Variants in NEXMIF observed in about 807,000 individuals in gnomAD.
The protein encoded by NEXMIF is neurite extension and migration factor.
A neutral mutation model predicts 62.1 loss-of-function variants in NEXMIF; 8 were observed. The observed-to-expected ratio is 0.13, with a 90% CI of 0.08 to 0.23. NEXMIF has a LOEUF of 0.23. Ranked by LOEUF, NEXMIF falls within the 10% of genes least tolerant of loss-of-function variation. The pLI is 1.00. For missense variants in NEXMIF, 976 were observed against 1,113.3 expected (o/e 0.88, Z 1.75); for synonymous variants, 404 against 416.6 (o/e 0.97, Z 0.37).
intron 1 of NEXMIF, among the ~76,000 whole-genome samples, chrX:74,751,742 TCTTC>T (rs1220050621): frequency 1.5e-4 from 13 of 86,899 alleles, no homozygotes; most frequent in East Asian, 1.2e-3. Context: ...CTCCCTCTTT[TCTTC>T]CTTCCTTCCT....
rs1054310941 is a variant in NEXMIF, at chrX:74,845,558, T to C, written c.-48+79325A>G. Among the ~76,000 whole-genome samples, 14 of 110,891 alleles carry C rather than the reference T, an allele frequency of 1.3e-4. 1 individual carries two copies. Among genetic ancestry groups the C allele is most frequent in the African/African-American group, 4.3e-4 (13 of 30,536 alleles). ...GAAAGAAAGAAAGGGAGAGTGTAGA[T>C]GCTAAGTACATGGGTTTATATGGCT... On this transcript the variant is annotated intron_variant, in intron 1 of 3. Coordinates refer to ENST00000055682, the MANE Select transcript of NEXMIF (RefSeq NM_001008537.3).
intron 1 of NEXMIF, among the ~76,000 whole-genome samples, chrX:74,775,631 GA>G (rs763362773): frequency 1.8e-5 from 2 of 111,634 alleles, no homozygotes; most frequent in East Asian, 5.7e-4. Context: ...ATGAAGGGCT[GA>G]ATATTTTTTA....
At chrX:74,821,734 T>C (rs1290650860) in intron 1 of NEXMIF, among the ~76,000 whole-genome samples, 2 of 111,344 alleles carry the variant, frequency 1.8e-5, no homozygotes, top group Admixed American at 9.6e-5. Context: ...AAATTGTGTG[T>C]GTGTGTGTGT....
chrX:74,789,043 T>A (rs950447393), intron 1 of NEXMIF, among the ~76,000 whole-genome samples: 7 of 109,212 alleles, frequency 6.4e-5, no homozygotes, highest in Non-Finnish European at 1.3e-4. Flanking sequence ...TAGTTACATA[T>A]GTATACATAT....
rs2080115133 is a variant in NEXMIF at position 74,743,524 on chromosome X, A to G, written c.1033T>C (p.Cys345Arg). ...CCACTCTTAGACTCTCGCTTGGGGC[A>G]GGTAGTAAAGACGCTGGGAAAAAAG... is the stretch of plus-strand genomic sequence containing the variant. Reference protein sequence around the residue: ...FNFFPSVFTTCPKRESKSGAL... With the variant: ...FNFFPSVFTTRPKRESKSGAL... Residue 345 changes from cysteine to arginine, a missense_variant, in exon 3 of 4, where the codon TGC becomes CGC. Transcript: ENST00000055682. 1.7e-6 allele frequency: 2 copies of G among 1,209,441 alleles called. No individual in the cohort carries two copies. The highest frequency in any genetic ancestry group is 3.0e-5 in the East Asian group (1 of 33,748).
intron 1 of NEXMIF, among the ~76,000 whole-genome samples, chrX:74,780,403 G>T (rs1466838053): frequency 1.9e-5 from 2 of 107,789 alleles, no homozygotes; most frequent in Non-Finnish European, 3.8e-5. Context: ...TAGAGATGGG[G>T]TCTGGCTCTG....
rs139034993 is a variant in NEXMIF at position 74,856,519 on chromosome X, C to T, written c.-48+68364G>A. ...ACGAAAAGAATACAGTAATGCACTG[C>T]GTAATGTTTCAGTGAACAATAGACC... is the stretch of plus-strand genomic sequence containing the variant. On this transcript the variant is annotated intron_variant, in intron 1 of 3. Coordinates refer to ENST00000055682, the MANE Select transcript of NEXMIF (RefSeq NM_001008537.3). 0.011 allele frequency among the ~76,000 whole-genome samples: 1,277 copies of T among 111,069 alleles called. 82 individuals are homozygous for T. In the East Asian group the frequency reaches 0.26, roughly 23 times the overall value.
At chrX:74,871,212 T>C (rs1174393902) in intron 1 of NEXMIF, among the ~76,000 whole-genome samples, 1 of 111,325 alleles carries the variant, frequency 9.0e-6, no homozygotes, top group Non-Finnish European at 1.9e-5. Context: ...AGAAATTTTA[T>C]AGCTGGGCCT....
At chrX:74,886,973 C>G (rs1478373419) in intron 1 of NEXMIF, among the ~76,000 whole-genome samples, 2 of 111,155 alleles carry the variant, frequency 1.8e-5, no homozygotes, top group African/African-American at 6.6e-5. Flanking sequence ...TGGAACAGAA[C>G]AGAGCCCTCA....
intron 1 of NEXMIF, among the ~76,000 whole-genome samples, chrX:74,771,235 C>T (rs1203125405): frequency 4.5e-5 from 5 of 111,187 alleles, no homozygotes; most frequent in African/African-American, 1.6e-4. Context: ...TGACTGGTCG[C>T]GATCTTCAGG....
chrX:74,794,030 C>G (rs1456621996), intron 1 of NEXMIF, among the ~76,000 whole-genome samples: 1 of 85,473 alleles, frequency 1.2e-5, no homozygotes, highest in South Asian at 7.5e-4. Flanking sequence ...GAACTGCGTT[C>G]CTTTGGAGGA....
chrX:74,771,521 G>A (rs757243669), intron 1 of NEXMIF, among the ~76,000 whole-genome samples: 26 of 110,455 alleles, frequency 2.4e-4, no homozygotes, highest in Non-Finnish European at 4.5e-4. Flanking sequence ...AAAGGCATAC[G>A]GTATATAATA....
At chrX:74,907,404 T>C (rs1231129311) in intron 1 of NEXMIF, among the ~76,000 whole-genome samples, 1 of 96,140 alleles carries the variant, frequency 1.0e-5, no homozygotes, top group South Asian at 4.7e-4. Context: ...GAAGGGATCA[T>C]GGCCTGGGCC....
At chrX:74,859,657 A>G (rs998738388) in intron 1 of NEXMIF, among the ~76,000 whole-genome samples, 1 of 111,766 alleles carries the variant, frequency 8.9e-6, no homozygotes, top group Non-Finnish European at 1.9e-5. Flanking sequence ...TTAAGTAGAA[A>G]GGCTAAACAA....
chrX:74,773,565 C>T (rs898283820), intron 1 of NEXMIF, among the ~76,000 whole-genome samples: 1 of 111,139 alleles, frequency 9.0e-6, no homozygotes, highest in Non-Finnish European at 1.9e-5. Context: ...TCATTATATG[C>T]TGCTCTATAC....
chrX:74,875,866 C>T (rs1226503557), intron 1 of NEXMIF, among the ~76,000 whole-genome samples: 3 of 111,068 alleles, frequency 2.7e-5, no homozygotes, highest in African/African-American at 6.6e-5. Context: ...TTTATTGTGT[C>T]TATTTGATTC....
intron 1 of NEXMIF, among the ~76,000 whole-genome samples, chrX:74,824,938 G>A (rs2080409890): frequency 1.8e-5 from 2 of 110,905 alleles, no homozygotes. Flanking sequence ...ATAAGCCCCC[G>A]AGCCCGGCCT....
In NEXMIF at chrX:74,908,692, G is replaced by GCA. The variant is rs745450977; in HGVS notation, c.-48+16189_-48+16190dup. On this transcript the variant is annotated intron_variant, in intron 1 of 3. Coordinates refer to ENST00000055682, the MANE Select transcript of NEXMIF (RefSeq NM_001008537.3). Reference sequence around the variant, plus strand: ...GGGAGAAAAATGTGCACATGCACGTGCACACACACACACACACAACCACCC... The same window carrying GCA: ...GGGAGAAAAATGTGCACATGCACGTGCACACACACACACACACACAACCACCC... Among the ~76,000 whole-genome samples the GCA allele has an allele frequency of 2.9e-3, 325 of 110,612 alleles. 2 individuals are homozygous for GCA. Among genetic ancestry groups the GCA allele is most frequent in the Middle Eastern group, 0.019 (4 of 210 alleles).
intron 1 of NEXMIF, among the ~76,000 whole-genome samples, chrX:74,803,482 G>A (rs2080335999): frequency 9.0e-6 from 1 of 110,959 alleles, no homozygotes; most frequent in East Asian, 2.8e-4. Context: ...GCAGGAGAAC[G>A]ACGTGAACCC....
Sources: allele counts gnomAD v4.1 joint callset (sites outside exome capture counted in the v4.1 genomes callset), GRCh38; gene constraint gnomAD v4.1.1; transcripts MANE v1.5; gene names NCBI Gene and HGNC (gene_info 2026-07-23, HGNC 2026-07-21).